STPG2: variants seen among roughly 807,000 people sequenced by gnomAD.
The protein encoded by STPG2 is sperm tail PG-rich repeat containing 2, also known as sperm-tail PG-rich repeat-containing protein 2.
In STPG2, 56 loss-of-function variants were observed where a neutral mutation model predicts 54.2. That is an observed-to-expected ratio of 1.03 (90% CI 0.83 to 1.29). The LOEUF (loss-of-function observed/expected upper bound fraction) is 1.29, where lower values mean the gene tolerates loss of function less well. STPG2 is among the 50% of genes most tolerant of loss of function. STPG2 has a pLI of 0.00. For synonymous variants in STPG2, 200 were observed against 181.8 expected (o/e 1.10, Z -0.81); for missense variants, 596 against 544.9 (o/e 1.09, Z -0.93).
intron 9 of STPG2, among the ~76,000 whole-genome samples, chr4:97,801,926 A>C (rs1727413566): frequency 6.6e-6 from 1 of 152,228 alleles, no homozygotes; most frequent in Non-Finnish European, 1.5e-5. Context: ...TTAACTTTAC[A>C]TCAAATAAGA....
intron 10 of STPG2, among the ~76,000 whole-genome samples, chr4:97,631,955 T>C (rs532044290): frequency 1.3e-5 from 2 of 152,204 alleles, no homozygotes; most frequent in African/African-American, 4.8e-5. Flanking sequence ...AAAAAGCTTA[T>C]CTTGAATAAT....
At chr4:97,502,400 C>T (rs1380898967) in intron 4 of STPG2, among the ~76,000 whole-genome samples, 1 of 151,854 alleles carries the variant, frequency 6.6e-6, no homozygotes, top group Non-Finnish European at 1.5e-5. Flanking sequence ...TACAGTGAAA[C>T]ACTGTCTTCA....
At chr4:97,805,558 T>C (rs1465469759) in intron 9 of STPG2, among the ~76,000 whole-genome samples, 2 of 152,158 alleles carry the variant, frequency 1.3e-5, no homozygotes, top group Admixed American at 1.3e-4. Flanking sequence ...TGGCCAATTG[T>C]ATGTCTTCTT....
At chr4:97,943,208 C>T (rs1016070978) in intron 8 of STPG2, among the ~76,000 whole-genome samples, 22 of 152,218 alleles carry the variant, frequency 1.4e-4, no homozygotes, top group Admixed American at 1.2e-3. Context: ...GACATAATCA[C>T]CTCCCAGAAA....
intron 8 of STPG2, among the ~76,000 whole-genome samples, chr4:97,861,600 T>A (rs975403311): frequency 7.9e-5 from 12 of 152,010 alleles, no homozygotes; most frequent in African/African-American, 2.9e-4. Context: ...TGGAAGCAAC[T>A]TACGCGTCCA....
chr4:98,061,158 A>G (rs935999565), intron 5 of STPG2, among the ~76,000 whole-genome samples: 4 of 152,228 alleles, frequency 2.6e-5, no homozygotes, highest in Admixed American at 2.6e-4. Flanking sequence ...AAATATTTAC[A>G]TACTATGCAT....
rs184346058 is a variant in STPG2, at chr4:97,711,562, C to G, written c.1320+1137G>C. On this transcript the variant is annotated intron_variant, in intron 10 of 10. Transcript: ENST00000295268. ...TTTGTCTTTTGGAGGAATCAACAGCCAACAAGATAACAATTCTTTGATTAC... is the reference window on the plus strand; with the variant it reads ...TTTGTCTTTTGGAGGAATCAACAGCGAACAAGATAACAATTCTTTGATTAC... Among the ~76,000 whole-genome samples, 17 of 152,162 alleles carry G rather than the reference C, an allele frequency of 1.1e-4. No individual in the cohort carries two copies. The East Asian group carries it at 3.1e-3, about 28-fold the overall frequency.
chr4:97,994,076 T>C (rs1223627027), intron 5 of STPG2, among the ~76,000 whole-genome samples: 1 of 152,192 alleles, frequency 6.6e-6, no homozygotes, highest in Non-Finnish European at 1.5e-5. Context: ...TTTGTTGTTG[T>C]TGTTGTTGTT....
chr4:97,691,330 G>C (rs1723356064), intron 10 of STPG2, among the ~76,000 whole-genome samples: 1 of 152,080 alleles, frequency 6.6e-6, no homozygotes, highest in Non-Finnish European at 1.5e-5. Context: ...GCTGTTGTGG[G>C]GGCATGATGA....
intron 5 of STPG2, among the ~76,000 whole-genome samples, chr4:98,029,440 T>C (rs983014019): frequency 2.6e-5 from 4 of 152,188 alleles, no homozygotes; most frequent in Non-Finnish European, 5.9e-5. Flanking sequence ...CCTCTTTATC[T>C]CTAGTAATAC....
intron 10 of STPG2, among the ~76,000 whole-genome samples, chr4:97,654,748 C>A (rs1722172689): frequency 6.6e-6 from 1 of 151,610 alleles, no homozygotes; most frequent in African/African-American, 2.4e-5. Context: ...TATCATTAGA[C>A]AACAACAGAA....
At chr4:98,135,104 T>A (rs1740102832) in intron 1 of STPG2, among the ~76,000 whole-genome samples, 2 of 151,750 alleles carry the variant, frequency 1.3e-5, no homozygotes, top group Non-Finnish European at 3.0e-5. Flanking sequence ...TTATTAGTGT[T>A]TAAGCAATGT....
At chr4:97,984,440 C>T (rs145163507) in intron 5 of STPG2, among the ~76,000 whole-genome samples, 300 of 152,242 alleles carry the variant, frequency 2.0e-3, no homozygotes, top group African/African-American at 7.0e-3. Flanking sequence ...CCACCGCACC[C>T]GCCCTGTTTC....
At chr4:97,948,651 C>A (rs1316766296) in intron 7 of STPG2, among the ~76,000 whole-genome samples, 1 of 152,046 alleles carries the variant, frequency 6.6e-6, no homozygotes, top group Non-Finnish European at 1.5e-5. Context: ...TAATTTCCAA[C>A]TTGATTTCAT....
chr4:97,653,276 T>C (rs1211768109), intron 10 of STPG2, among the ~76,000 whole-genome samples: 3 of 152,000 alleles, frequency 2.0e-5, no homozygotes, highest in African/African-American at 7.2e-5. Flanking sequence ...AAATTAGTTT[T>C]CCTTATTTGT....
chr4:97,517,693 A>G (rs1413328770), intron 4 of STPG2, among the ~76,000 whole-genome samples: 1 of 151,996 alleles, frequency 6.6e-6, no homozygotes, highest in African/African-American at 2.4e-5. Flanking sequence ...CTTTTCAAAT[A>G]TTTTTCTCTT....
intron 8 of STPG2, among the ~76,000 whole-genome samples, chr4:97,872,758 G>GT (rs1211829252): frequency 3.3e-5 from 5 of 150,910 alleles, no homozygotes; most frequent in Non-Finnish European, 7.4e-5. Context: ...ACAGATTCCT[G>GT]TTTTTTTCTA....
At chr4:97,883,641 G>A (rs1730459127) in intron 8 of STPG2, among the ~76,000 whole-genome samples, 1 of 152,048 alleles carries the variant, frequency 6.6e-6, no homozygotes, top group Non-Finnish European at 1.5e-5. Context: ...TTCATCATTA[G>A]ACTCGACAGA....
intron 9 of STPG2, among the ~76,000 whole-genome samples, chr4:97,814,900 G>C (rs1388342694): frequency 6.6e-6 from 1 of 152,064 alleles, no homozygotes; most frequent in African/African-American, 2.4e-5. Flanking sequence ...GTGGGACCCT[G>C]TGATCGTGTG....
Sources: gnomAD v4.1 joint callset for allele counts (sites outside exome capture counted in the v4.1 genomes callset) on GRCh38, gnomAD v4.1.1 for gene constraint, MANE v1.5 for transcripts, NCBI Gene and HGNC (gene_info 2026-07-23, HGNC 2026-07-21) for gene names.